Variants in SOS1 observed in about 807,000 individuals in gnomAD.
The protein encoded by SOS1 is SOS Ras/Rac guanine nucleotide exchange factor 1, also known as son of sevenless homolog 1.
SOS1 carries 25 observed loss-of-function variants against 157.6 expected under a neutral mutation model. The observed-to-expected ratio is 0.16, with a 90% CI of 0.12 to 0.22. The LOEUF (loss-of-function observed/expected upper bound fraction) is 0.22, where lower values mean the gene tolerates loss of function less well. Among genes scored for constraint, SOS1 ranks in the 10% least tolerant of loss-of-function variants. The pLI is 1.00. For synonymous variants in SOS1, 528 were observed against 534.0 expected (o/e 0.99, Z 0.16); for missense variants, 1,237 against 1,599.1 (o/e 0.77, Z 3.86).
At chr2:39,060,452 A>G (rs1671361810) in intron 2 of SOS1, among the ~76,000 whole-genome samples, 1 of 152,198 alleles carries the variant, frequency 6.6e-6, no homozygotes, top group African/African-American at 2.4e-5. Flanking sequence ...TCTGAGACAG[A>G]GTCTTGCTCT....
intron 10 of SOS1, among the ~76,000 whole-genome samples, chr2:39,017,518 A>G (rs1220374733): frequency 1.3e-5 from 2 of 151,854 alleles, no homozygotes; most frequent in Non-Finnish European, 2.9e-5. Context: ...TGAAATAAAC[A>G]CTCCCATAAT....
chr2:38,985,610 C>T lies in SOS1; in HGVS notation c.*214G>A. The T allele has an allele frequency of 8.8e-6, 5 of 566,008 alleles. No individual in the cohort carries two copies. Among genetic ancestry groups the T allele is most frequent in the South Asian group, 4.0e-5 (2 of 50,392 alleles). 35.1% of individuals were successfully genotyped at this position (566,008 alleles called of 1,614,324 possible). Reference sequence around the variant, plus strand: ...TCAGGTGCAATCAGTTGTCCAATTCCTCTAGGTCGGTCTTTCCATATTCTA... The same window carrying T: ...TCAGGTGCAATCAGTTGTCCAATTCTTCTAGGTCGGTCTTTCCATATTCTA... On this transcript the variant is annotated 3_prime_UTR_variant, in exon 23 of 23. Transcript: ENST00000402219.
chr2:39,083,782 C>CA (rs1354722823), intron 1 of SOS1, among the ~76,000 whole-genome samples: 1 of 151,858 alleles, frequency 6.6e-6, no homozygotes, highest in Non-Finnish European at 1.5e-5. Flanking sequence ...TGCATGGTGG[C>CA]AAAAAACAAA....
chr2:39,100,493 C>T (rs991991699), intron 1 of SOS1, among the ~76,000 whole-genome samples: 20 of 152,194 alleles, frequency 1.3e-4, no homozygotes, highest in African/African-American at 4.3e-4. Flanking sequence ...AAATGAGATA[C>T]TGCCATTTGC....
At chr2:39,051,376 A>C (rs1671011380) in intron 5 of SOS1, 89 bp from the exon 6 acceptor site, 1 of 1,145,992 alleles carries the variant, frequency 8.7e-7, no homozygotes, top group Admixed American at 1.7e-5. Context: ...TTATAATCAC[A>C]AAATTTAACA....
chr2:39,016,501 C>T (rs560657261), intron 10 of SOS1, among the ~76,000 whole-genome samples: 20 of 152,146 alleles, frequency 1.3e-4, no homozygotes, highest in African/African-American at 7.2e-5. Context: ...AGATTTTTAT[C>T]GGTTTCATCA....
Position 39,072,930 on chromosome 2 carries a change from C to T in SOS1, c.88-5177G>A, listed in dbSNP as rs1017053637. 5.9e-5 allele frequency among the ~76,000 whole-genome samples: 9 copies of T among 152,114 alleles called. 1 individual carries two copies. Among genetic ancestry groups the T allele is most frequent in the South Asian group, 4.1e-4 (2 of 4,822 alleles). ...CAAAGGCAATGGTCCATACTTAAAA[C>T]GCAAGCAGAGTACCAACTCCTAAAA... On this transcript the variant is annotated intron_variant, in intron 1 of 22. Transcript: ENST00000402219.
chr2:39,083,220 T>TA (rs1271875194), intron 1 of SOS1, among the ~76,000 whole-genome samples: 1 of 151,918 alleles, frequency 6.6e-6, no homozygotes, highest in Non-Finnish European at 1.5e-5. Flanking sequence ...ACACAGGTAA[T>TA]AGAAATAGTA....
chr2:39,000,566 A>C (rs1000575309), intron 17 of SOS1, among the ~76,000 whole-genome samples: 2 of 152,220 alleles, frequency 1.3e-5, no homozygotes, highest in African/African-American at 4.8e-5. Flanking sequence ...AAGAGGGCTG[A>C]GGTTTCACCT....
At chr2:39,006,985 T>C (rs373414154) in intron 16 of SOS1, 46 bp downstream of exon 16, 1 of 1,287,686 alleles carries the variant, frequency 7.8e-7, no homozygotes, top group Non-Finnish European at 1.1e-6. Flanking sequence ...CTAATTTTTC[T>C]AATAGGGAAT....
chr2:39,067,178 T>C (rs916282698), intron 2 of SOS1, among the ~76,000 whole-genome samples: 3 of 152,062 alleles, frequency 2.0e-5, no homozygotes, highest in African/African-American at 7.2e-5. Context: ...GCCTAGCTAG[T>C]TAAAAACAAA....
Position 38,985,676 on chromosome 2 carries a change from A to T in SOS1, c.*148T>A. ...TCCATTGTATAATTACATCTAGGTTAAAATTCATTGTCTTATACTGCATCT... is the reference window on the plus strand; with the variant it reads ...TCCATTGTATAATTACATCTAGGTTTAAATTCATTGTCTTATACTGCATCT... On this transcript the variant is annotated 3_prime_UTR_variant, in exon 23 of 23. Coordinates refer to ENST00000402219, the MANE Select transcript of SOS1 (RefSeq NM_005633.4). 1 of 935,168 alleles carries T rather than the reference A, an allele frequency of 1.1e-6. No individual in the cohort carries two copies. Among genetic ancestry groups the T allele is most frequent in the Non-Finnish European group, 1.7e-6 (1 of 581,718 alleles). The allele number at this position is 935,168 out of a possible 1,614,324, so 57.9% of individuals were successfully genotyped here.
intron 1 of SOS1, 91 bp downstream of exon 1, chr2:39,120,245 C>A (rs1673817749): frequency 2.6e-6 from 3 of 1,144,064 alleles, no homozygotes; most frequent in Non-Finnish European, 3.5e-6. Context: ...GGAAGAAAGA[C>A]GGCCCTGCGC....
upstream of SOS1, among the ~76,000 whole-genome samples, chr2:39,121,483 G>A (rs1296658232): frequency 6.6e-6 from 1 of 152,226 alleles, no homozygotes; most frequent in Non-Finnish European, 1.5e-5. Context: ...AGAAGTGATT[G>A]CGGTGTTTCT....
At chr2:39,072,194 T>C (rs759556560) in intron 1 of SOS1, among the ~76,000 whole-genome samples, 7 of 152,214 alleles carry the variant, frequency 4.6e-5, no homozygotes, top group Non-Finnish European at 7.3e-5. Context: ...TTATTGGGTT[T>C]ATCATGTTGA....
At chr2:39,110,026 T>TTGTG (rs150125819) in intron 1 of SOS1, among the ~76,000 whole-genome samples, 10 of 134,248 alleles carry the variant, frequency 7.4e-5, no homozygotes, top group East Asian at 6.8e-4. Flanking sequence ...ACAGATACAG[T>TTGTG]TGTGTGTGTG....
chr2:39,019,314 A>T (rs546611738), intron 10 of SOS1, among the ~76,000 whole-genome samples: 1 of 151,642 alleles, frequency 6.6e-6, no homozygotes, highest in South Asian at 2.1e-4. Context: ...CCATTTATCT[A>T]CTCGTGTTGT....
At chr2:39,042,036 A>G (rs1294091007) in intron 6 of SOS1, among the ~76,000 whole-genome samples, 2 of 152,152 alleles carry the variant, frequency 1.3e-5, no homozygotes, top group African/African-American at 2.4e-5. Flanking sequence ...ATCTATGTAT[A>G]TATTTTTTTC....
At chr2:39,059,437 T>C (rs192155120) in intron 2 of SOS1, among the ~76,000 whole-genome samples, 1 of 152,282 alleles carries the variant, frequency 6.6e-6, no homozygotes, top group East Asian at 1.9e-4. Context: ...CAGGTTACTA[T>C]CACAGCTGAA....
Sources: allele counts gnomAD v4.1 joint callset (sites outside exome capture counted in the v4.1 genomes callset), GRCh38; gene constraint gnomAD v4.1.1; transcripts MANE v1.5; gene names NCBI Gene and HGNC (gene_info 2026-07-23, HGNC 2026-07-21).